SASH1: variants seen among roughly 807,000 people sequenced by gnomAD.
SASH1 encodes SAM and SH3 domain-containing protein 1.
A neutral mutation model predicts 125.2 loss-of-function variants in SASH1; 44 were observed. The ratio of observed to expected loss-of-function variants is 0.35; its 90% CI spans 0.28 to 0.45. SASH1 has a LOEUF of 0.45. Ranked by LOEUF, SASH1 falls within the 20% of genes least tolerant of loss-of-function variation. SASH1 has a pLI of 1.00. For missense variants in SASH1, 1,426 were observed against 1,614.5 expected (o/e 0.88, Z 2.00); for synonymous variants, 639 against 649.1 (o/e 0.98, Z 0.24).
intron 13 of SASH1, among the ~76,000 whole-genome samples, chr6:148,531,870 A>G (rs1195768549): frequency 6.7e-6 from 1 of 148,530 alleles, no homozygotes; most frequent in African/African-American, 2.5e-5. Flanking sequence ...ACAGGAGGTG[A>G]TGAATTTTGA....
At chr6:148,408,400 C>G (rs1307645881) in intron 2 of SASH1, among the ~76,000 whole-genome samples, 5 of 152,044 alleles carry the variant, frequency 3.3e-5, no homozygotes, top group African/African-American at 9.7e-5. Flanking sequence ...GCCACCACGC[C>G]CAGCGCATCT....
At position 148,421,199 on chromosome 6, in the gene SASH1, AAG is replaced by A. The variant is rs1199743563; in HGVS notation, c.286-18983_286-18982del. On this transcript the variant is annotated intron_variant, in intron 2 of 19. Transcript: ENST00000367467. Reference sequence around the variant, plus strand: ...AAAGAAAGAAAGAAAGAAAGAAAGAAAGAAAGAAAGAAAGAAAAAGAAAGAAA... The same window carrying A: ...AAAGAAAGAAAGAAAGAAAGAAAGAAAAAGAAAGAAAGAAAAAGAAAGAAA... Among the ~76,000 whole-genome samples, 25 of 143,756 alleles carry A rather than the reference AAG, an allele frequency of 1.7e-4. No homozygotes were observed. The East Asian group carries it at 4.1e-3, about 23-fold the overall frequency. 94.3% of individuals were successfully genotyped at this position (143,756 alleles called of 152,430 possible). A position where few individuals can be genotyped will look rare whatever the true frequency, so the allele number is the denominator to read the frequency against.
intron 7 of SASH1, among the ~76,000 whole-genome samples, chr6:148,477,433 G>A (rs1304258925): frequency 6.6e-6 from 1 of 152,128 alleles, no homozygotes; most frequent in Non-Finnish European, 1.5e-5. Flanking sequence ...CTCAGAAGAA[G>A]ACAAAGGGAA....
chr6:148,526,797 A>T (rs1781190355), intron 11 of SASH1, among the ~76,000 whole-genome samples: 1 of 152,118 alleles, frequency 6.6e-6, no homozygotes, highest in East Asian at 1.9e-4. Context: ...TTCTCCAGGC[A>T]ATTCGGTAGT....
In SASH1 at chr6:148,439,408, G is replaced by T. The variant is rs147588409; in HGVS notation, c.286-776G>T. Among the ~76,000 whole-genome samples, 329 of 152,344 alleles carry T rather than the reference G, an allele frequency of 2.2e-3. 1 individual carries two copies. Among genetic ancestry groups the T allele is most frequent in the African/African-American group, 7.6e-3 (315 of 41,574 alleles). The stretch of plus-strand genomic sequence containing the variant: ...TTTTAAGGCTGCAAGATAACATTCA[G>T]TTAGCTTCCCAACTTCCTAAAGACA... On this transcript the variant is annotated intron_variant, in intron 2 of 19. Transcript: ENST00000367467.
chr6:148,524,114 TATATATA>T (rs1780983499), intron 10 of SASH1, among the ~76,000 whole-genome samples: 1 of 85,652 alleles, frequency 1.2e-5, no homozygotes. Context: ...TATATATATA[TATATATA>T]TTTTTTTTAA....
Position 148,529,014 on chromosome 6 carries a change from A to G in SASH1, c.1428+1418A>G, listed in dbSNP as rs1400389178. On this transcript the variant is annotated intron_variant, in intron 12 of 19. Transcript: ENST00000367467. The surrounding 1 kb of genome is among the most constrained non-coding windows in gnomAD (Gnocchi z 4.2). ...GCAACCTAGATGCCTCGTGTGCACA[A>G]TTCACAATAGGATTCGTGCTCCTAC... Among the ~76,000 whole-genome samples the G allele has an allele frequency of 2.0e-5, 3 of 152,018 alleles. No homozygotes were observed. The highest frequency in any genetic ancestry group is 4.8e-5 in the African/African-American group (2 of 41,376).
chr6:148,367,966 G>A (rs997889168), intron 1 of SASH1, among the ~76,000 whole-genome samples: 2 of 152,218 alleles, frequency 1.3e-5, no homozygotes, highest in Non-Finnish European at 2.9e-5. Context: ...TGGAGTGGAG[G>A]ATGTGGCAAT....
At chr6:148,328,568 G>C (rs1780903880) in intron 1 of SASH1, among the ~76,000 whole-genome samples, 1 of 151,634 alleles carries the variant, frequency 6.6e-6, no homozygotes, top group African/African-American at 2.4e-5. Context: ...ACTCCAGCCT[G>C]GGTGACAGAG....
chr6:148,307,933 G>C (rs1035263077), intron 1 of SASH1, among the ~76,000 whole-genome samples: 9 of 152,098 alleles, frequency 5.9e-5, no homozygotes, highest in African/African-American at 2.2e-4. Flanking sequence ...AAGCACTGAA[G>C]AGGCGCCATG....
chr6:148,323,224 G>T (rs1780700377), intron 1 of SASH1, among the ~76,000 whole-genome samples: 1 of 152,060 alleles, frequency 6.6e-6, no homozygotes, highest in African/African-American at 2.4e-5. Context: ...TGGCCAGGCT[G>T]GTCTCGAACT....
At position 148,471,468 on chromosome 6, in the gene SASH1, A is replaced by G. The variant is rs755879223; in HGVS notation, c.479A>G (p.Lys160Arg). 4 of 1,600,086 alleles carry G rather than the reference A, an allele frequency of 2.5e-6. No individual in the cohort carries two copies. The South Asian group carries it at 4.5e-5, about 18-fold the overall frequency. ...KNKYFWQNFR[K>R]NQKGIMRQTS... The stretch of plus-strand genomic sequence containing the variant: ...AAGTATTTCTGGCAGAACTTCCGAA[A>G]GAACCAGAAAGGAATAATGAGACAG... Residue 160 changes from lysine to arginine, a missense_variant, in exon 6 of 20, where the codon AAG becomes AGG. Transcript: ENST00000367467.
intron 4 of SASH1, among the ~76,000 whole-genome samples, chr6:148,468,119 A>G (rs1777932137): frequency 6.6e-6 from 1 of 152,116 alleles, no homozygotes; most frequent in African/African-American, 2.4e-5. Context: ...TTGTTTTCCT[A>G]GAGCCGACCA....
At chr6:148,400,204 G>C (rs757575393) in intron 2 of SASH1, among the ~76,000 whole-genome samples, 64 of 152,324 alleles carry the variant, frequency 4.2e-4, no homozygotes, top group Admixed American at 7.2e-4. Context: ...GGAGATGACT[G>C]AGTGGTCCAA....
chr6:148,336,300 C>T (rs1174560736), intron 1 of SASH1, among the ~76,000 whole-genome samples: 6 of 151,560 alleles, frequency 4.0e-5, no homozygotes, highest in East Asian at 1.9e-4. Flanking sequence ...CTCAGCCTCC[C>T]GAGTAGCTGG....
Position 148,309,570 on chromosome 6 carries a change from C to G in SASH1, n.74+37193C>G, listed in dbSNP as rs576602690. 4.6e-5 allele frequency among the ~76,000 whole-genome samples: 7 copies of G among 152,078 alleles called. No homozygotes were observed. In the East Asian group the frequency reaches 1.2e-3, roughly 25 times the overall value. On this transcript the variant is annotated intron_variant and non_coding_transcript_variant, in intron 1 of 3. Transcript: ENST00000367469. ...GCAAATGATCATTCCTTAGGACAGC[C>G]CTGGCTTGTACAACAGGCAGGAATG...
intron 17 of SASH1, among the ~76,000 whole-genome samples, chr6:148,543,433 A>C (rs1782348716): frequency 6.6e-6 from 1 of 152,168 alleles, no homozygotes; most frequent in Non-Finnish European, 1.5e-5. Flanking sequence ...TTTCTTTCCC[A>C]TGTAACCCAA....
intron 2 of SASH1, among the ~76,000 whole-genome samples, chr6:148,393,135 C>A (rs1251874326): frequency 6.7e-6 from 1 of 149,762 alleles, no homozygotes; most frequent in Non-Finnish European, 1.5e-5. Context: ...CAACCTCCAC[C>A]TCCTGGGTTC....
rs1781410175 is a variant in SASH1 at position 148,529,870 on chromosome 6, G to A, written c.1429-1656G>A. ...CACCCAGGCTGGAGTGCAATGGTGT[G>A]GCCTCGGCTTACTGCAACCTCTGCC... On this transcript the variant is annotated intron_variant, in intron 12 of 19. Transcript: ENST00000367467. This position sits in a 1 kb window ranked among gnomAD's most constrained non-coding sequence, Gnocchi z 4.2. Among the ~76,000 whole-genome samples the A allele has an allele frequency of 6.6e-6, 1 of 151,686 alleles. No homozygotes were observed. Among genetic ancestry groups the A allele is most frequent in the Admixed American group, 6.6e-5 (1 of 15,226 alleles).
Sources: allele counts gnomAD v4.1 joint callset (sites outside exome capture counted in the v4.1 genomes callset), GRCh38; gene constraint gnomAD v4.1.1; non-coding constraint Gnocchi (gnomAD v3.1); transcripts MANE v1.5; gene names NCBI Gene and HGNC (gene_info 2026-07-23, HGNC 2026-07-21).